The following BTN1A1 variants were observed in gnomAD, a reference collection of about 807,000 sequenced individuals.
BTN1A1 encodes bK14H9.2 (butyrophilin, subfamily 1, member A1).
In BTN1A1, 26 loss-of-function variants were observed where a neutral mutation model predicts 33.1. That is an observed-to-expected ratio of 0.79 (90% CI 0.58 to 1.09). BTN1A1 has a LOEUF of 1.09. Among genes scored for constraint, BTN1A1 ranks in the 50% least tolerant of loss-of-function variants. The probability of loss-of-function intolerance (pLI) is 0.00; values close to 1 mark genes in which losing one functional copy is unlikely to be tolerated. For synonymous variants in BTN1A1, 235 were observed against 256.2 expected, an observed-to-expected ratio of 0.92 and a Z score of 0.79; for missense variants, 558 against 655.7, an observed-to-expected ratio of 0.85 and a Z score of 1.63.
rs1763801919 is a variant in BTN1A1, at chr6:26,501,705, G to C, written c.195G>C (p.Trp65Cys). Residue 65 changes from tryptophan to cysteine, a missense_variant, in exon 3 of 8, where the codon TGG becomes TGC. Physicochemically the swap from Trp to Cys is radical, Grantham distance 215. Transcript: ENST00000684113. The surrounding 1 kb of genome is among the most constrained non-coding windows in gnomAD (Gnocchi z 5.2). ...NASAEHLELR[W>C]FRKKVSPAVL... ...GCGCCGAGCACTTGGAGCTACGCTG[G>C]TTCCGAAAGAAGGTTTCGCCGGCCG... 6.2e-7 allele frequency: 1 copy of C among 1,614,006 alleles called. No homozygotes were observed. Among genetic ancestry groups the C allele is most frequent in the Non-Finnish European group, 8.5e-7 (1 of 1,180,002 alleles).
In BTN1A1 at chr6:26,508,631, T is replaced by G; in HGVS notation, c.1038T>G (p.Cys346Trp). 1 of 1,614,110 alleles carries G rather than the reference T, an allele frequency of 6.2e-7. No homozygotes were observed. The highest frequency in any genetic ancestry group is 8.5e-7 in the Non-Finnish European group (1 of 1,180,016). The change falls in exon 8 of 8, where the codon TGT becomes TGG. Residue 346 changes from cysteine to tryptophan, a missense_variant. Coordinates refer to ENST00000684113, the MANE Select transcript of BTN1A1 (RefSeq NM_001732.3). The stretch of plus-strand genomic sequence containing the variant: ...CAGAGAGATTTGACTCCTGGCCCTG[T>G]GTGTTGGGCCGTGAGACCTTCACCT... ...EKTERFDSWPCVLGRETFTSG... is the reference protein window; with the variant it reads ...EKTERFDSWPWVLGRETFTSG...
Position 26,508,854 on chromosome 6 carries a change from C to T in BTN1A1, c.1261C>T (p.Arg421Trp), listed in dbSNP as rs754677050. ...TCTCCCATTGGCAGGGCCCCCACGC[C>T]GGGTTGGGATTTTCCTAGACTATGA... ...TPLPLAGPPR[R>W]VGIFLDYESG... The change falls in exon 8 of 8, where the codon CGG (arginine) becomes TGG (tryptophan). Residue 421 changes from arginine (R) to tryptophan (W), a missense_variant. Coordinates refer to ENST00000684113, the MANE Select transcript of BTN1A1 (RefSeq NM_001732.3). 10 of 1,614,074 alleles carry T rather than the reference C, an allele frequency of 6.2e-6. No homozygotes were observed. In the Admixed American group the frequency reaches 6.7e-5, roughly 11 times the overall value.
Position 26,508,806 on chromosome 6 carries a change from G to A in BTN1A1, c.1213G>A (p.Ala405Thr), listed in dbSNP as rs1763906149. The A allele has an allele frequency of 6.2e-7, 1 of 1,614,128 alleles. No homozygotes were observed. The highest frequency in any genetic ancestry group is 1.1e-5 in the South Asian group (1 of 91,088). Residue 405 changes from alanine to threonine, a missense_variant, in exon 8 of 8, where the codon GCC becomes ACC. Physicochemically the swap from Ala to Thr is moderately conservative, Grantham distance 58. Coordinates refer to ENST00000684113, the MANE Select transcript of BTN1A1 (RefSeq NM_001732.3). ...AGAGTTGTATGGAAATGGGTACTGG[G>A]CCCTCACTCCTCTCCGGACCCCTCT... ...AVELYGNGYW[A>T]LTPLRTPLPL...
Position 26,509,486 on chromosome 6 carries a change from C to T in BTN1A1, c.*312C>T. 1 of 273,120 alleles carries T rather than the reference C, an allele frequency of 3.7e-6. No homozygotes were observed. Among genetic ancestry groups the T allele is most frequent in the Non-Finnish European group, 6.9e-6 (1 of 145,484 alleles). The allele number at this position is 273,120 out of a possible 1,614,324, so 16.9% of individuals were successfully genotyped here. ...GACAGATTAGGGATCGAGATTGGGTCAGGTTAGCATGGGGTTGTGGTTGAA... is the reference window on the plus strand; with the variant it reads ...GACAGATTAGGGATCGAGATTGGGTTAGGTTAGCATGGGGTTGTGGTTGAA... On this transcript the variant is annotated 3_prime_UTR_variant, in exon 8 of 8. Transcript: ENST00000684113.
At chr6:26,506,934 T>G in intron 5 of BTN1A1, 102 bp downstream of exon 5, 1 of 1,426,276 alleles carries the variant, frequency 7.0e-7, no homozygotes, top group Non-Finnish European at 9.6e-7. Flanking sequence ...CAGGAAGATA[T>G]TTGAGGCTGG....
chr6:26,502,418 C>T (rs1763813157), intron 3 of BTN1A1, among the ~76,000 whole-genome samples: 1 of 152,128 alleles, frequency 6.6e-6, no homozygotes, highest in African/African-American at 2.4e-5. Context: ...GCTTATCTGC[C>T]TTATCTCTTT....
Position 26,508,850 on chromosome 6 carries a change from A to G in BTN1A1, c.1257A>G (p.Pro419=). ...CCCCTCTCCCATTGGCAGGGCCCCC[A>G]CGCCGGGTTGGGATTTTCCTAGACT... ...LRTPLPLAGP[P]RRVGIFLDYE... The change falls in exon 8 of 8, where the codon CCA becomes CCG. Residue 419 remains proline (P), a synonymous_variant. Transcript: ENST00000684113. 6.2e-7 allele frequency: 1 copy of G among 1,614,136 alleles called. No individual in the cohort carries two copies. Among genetic ancestry groups the G allele is most frequent in the East Asian group, 2.2e-5 (1 of 44,870 alleles).
rs1368651652 is a variant in BTN1A1, at chr6:26,509,501, T to C, written c.*327T>C. 4.4e-6 allele frequency: 1 copy of C among 225,772 alleles called. No homozygotes were observed. The highest frequency in any genetic ancestry group is 2.3e-5 in the African/African-American group (1 of 43,748). 14.0% of individuals were successfully genotyped at this position (225,772 alleles called of 1,614,324 possible). ...GAGATTGGGTCAGGTTAGCATGGGG[T>C]TGTGGTTGAAATATCTTGGTATCCA... On this transcript the variant is annotated 3_prime_UTR_variant, in exon 8 of 8. Transcript: ENST00000684113.
chr6:26,505,025 G>C lies in BTN1A1; in HGVS notation c.528G>C (p.Gln176His). The C allele has an allele frequency of 6.2e-7, 1 of 1,614,244 alleles. No individual in the cohort carries two copies. The highest frequency in any genetic ancestry group is 2.2e-5 in the East Asian group (1 of 44,880). The change falls in exon 4 of 8, where the codon CAG becomes CAC. Residue 176 changes from glutamine (Q) to histidine (H), a missense_variant. Transcript: ENST00000684113. Reference sequence around the variant, plus strand: ...GATGGTACCCAGAGCCCCAGGTGCAGTGGAGAACTTCCAAGGGAGAGAAGT... The same window carrying C: ...GATGGTACCCAGAGCCCCAGGTGCACTGGAGAACTTCCAAGGGAGAGAAGT... ...SVGWYPEPQV[Q>H]WRTSKGEKFP... is the part of the protein sequence containing the mutation.
chr6:26,506,939 G>C lies in BTN1A1; in HGVS notation c.859+107G>C, dbSNP rs9461260. On this transcript the variant is annotated intron_variant, in intron 5 of 7. Transcript: ENST00000684113. ...TTTAGGATGACAGGAAGATATTTGA[G>C]GCTGGGCATGGTGGCTCACGCCTGT... 35,179 of 1,383,758 alleles carry C rather than the reference G, an allele frequency of 0.025. 3,298 individuals carry two copies. The African/African-American group carries it at 0.29, about 11-fold the overall frequency. The allele number at this position is 1,383,758 out of a possible 1,614,324, so 85.7% of individuals were successfully genotyped here.
intron 4 of BTN1A1, among the ~76,000 whole-genome samples, chr6:26,505,871 C>T (rs1763862881): frequency 6.6e-6 from 1 of 151,856 alleles, no homozygotes; most frequent in Admixed American, 6.5e-5. Context: ...GTAATCCCAG[C>T]ACTTTGTGAG....
At position 26,501,386 on chromosome 6, in the gene BTN1A1, G is replaced by C; in HGVS notation, c.79+21G>C. 6.2e-7 allele frequency: 1 copy of C among 1,600,008 alleles called. No homozygotes were observed. The highest frequency in any genetic ancestry group is 8.6e-7 in the Non-Finnish European group (1 of 1,168,148). ...TTCAGGTAAGTCTCTCTCTCTCTCTGGGCTGCATAGTTGAAATATATCAAT... is the reference window on the plus strand; with the variant it reads ...TTCAGGTAAGTCTCTCTCTCTCTCTCGGCTGCATAGTTGAAATATATCAAT... On this transcript the variant is annotated intron_variant, in intron 2 of 7. Coordinates refer to ENST00000684113, the MANE Select transcript of BTN1A1 (RefSeq NM_001732.3). This position sits in a 1 kb window ranked among gnomAD's most constrained non-coding sequence, Gnocchi z 5.2.
chr6:26,504,384 A>T (rs2113891457), intron 3 of BTN1A1, among the ~76,000 whole-genome samples: 1 of 152,026 alleles, frequency 6.6e-6, no homozygotes, highest in African/African-American at 2.4e-5. Context: ...AAGTCTGCCC[A>T]CCAAACTGCT....
chr6:26,505,027 G>A lies in BTN1A1; in HGVS notation c.530G>A (p.Trp177Ter), dbSNP rs1763850818. Reference protein sequence around the residue: ...VGWYPEPQVQWRTSKGEKFPS... With the variant: ...VGWYPEPQVQ Reference sequence around the variant, plus strand: ...TGGTACCCAGAGCCCCAGGTGCAGTGGAGAACTTCCAAGGGAGAGAAGTTT... The same window carrying A: ...TGGTACCCAGAGCCCCAGGTGCAGTAGAGAACTTCCAAGGGAGAGAAGTTT... The change falls in exon 4 of 8, where the codon TGG (tryptophan) becomes TAG (stop). Residue 177 changes from tryptophan (W) to a stop codon, truncating the protein, a stop_gained. Transcript: ENST00000684113. LOFTEE classifies it high-confidence loss of function. 1.2e-6 allele frequency: 2 copies of A among 1,614,094 alleles called. No homozygotes were observed. Among genetic ancestry groups the A allele is most frequent in the African/African-American group, 2.7e-5 (2 of 74,926 alleles).
chr6:26,508,464 T>G (rs1763899984), intron 7 of BTN1A1, 37 bp from the exon 8 acceptor site: 3 of 1,570,504 alleles, frequency 1.9e-6, no homozygotes, highest in Non-Finnish European at 2.6e-6. Context: ...ACCTGTAATA[T>G]TCACTGATGT....
In BTN1A1 at chr6:26,509,224, T is replaced by C. The variant is rs1324110120; in HGVS notation, c.*50T>C. On this transcript the variant is annotated 3_prime_UTR_variant, in exon 8 of 8. Coordinates refer to ENST00000684113, the MANE Select transcript of BTN1A1 (RefSeq NM_001732.3). ...CCTTTCCTCTAACCCCTCTCCTCCA[T>C]AGCCTTCTGAGGCTTCACCTGCTAG... is the stretch of plus-strand genomic sequence containing the variant. The C allele has an allele frequency of 3.4e-6, 5 of 1,488,870 alleles. No individual in the cohort carries two copies. In the African/African-American group the frequency reaches 4.2e-5, roughly 12 times the overall value. 92.2% of individuals were successfully genotyped at this position (1,488,870 alleles called of 1,614,324 possible). A position where few individuals can be genotyped will look rare whatever the true frequency, so the allele number is the denominator to read the frequency against.
intron 5 of BTN1A1, among the ~76,000 whole-genome samples, chr6:26,507,183 T>C (rs1763881836): frequency 6.6e-6 from 1 of 152,098 alleles, no homozygotes; most frequent in Admixed American, 6.5e-5. Flanking sequence ...ATCGTGCCAT[T>C]GCACTCTAGC....
chr6:26,509,051 T>C lies in BTN1A1; in HGVS notation c.1458T>C (p.Ala486=), dbSNP rs1763910384. The change falls in exon 8 of 8, where the codon GCT becomes GCC. Residue 486 remains alanine (A), a synonymous_variant. Coordinates refer to ENST00000684113, the MANE Select transcript of BTN1A1 (RefSeq NM_001732.3). ...GGCCTGAGAGGGTCACAGTCATTGCTAATGCCCAGGACCTTTCTAAGGAGA... is the reference window on the plus strand; with the variant it reads ...GGCCTGAGAGGGTCACAGTCATTGCCAATGCCCAGGACCTTTCTAAGGAGA... ...ADGPERVTVI[A]NAQDLSKEIP... is the part of the protein sequence containing the mutation. 6.2e-7 allele frequency: 1 copy of C among 1,614,234 alleles called. No homozygotes were observed. Among genetic ancestry groups the C allele is most frequent in the Non-Finnish European group, 8.5e-7 (1 of 1,180,050 alleles).
At position 26,500,335 on chromosome 6, in the gene BTN1A1, G is replaced by T. The variant is rs13194984; in HGVS notation, c.-81G>T. Among the ~76,000 whole-genome samples, 11,777 of 152,130 alleles carry T rather than the reference G, an allele frequency of 0.077. 655 individuals carry two copies. Among genetic ancestry groups the T allele is most frequent in the Non-Finnish European group, 0.13 (8,696 of 67,990 alleles). ...TCACTTGGTAGCAGTGGCCTCTTGT[G>T]CCTTTTTCTCCAAGATCACCCAGGT... is the stretch of plus-strand genomic sequence containing the variant. On this transcript the variant is annotated 5_prime_UTR_variant, in exon 1 of 8. Transcript: ENST00000684113.
Sources: gnomAD v4.1 joint callset for allele counts (sites outside exome capture counted in the v4.1 genomes callset) on GRCh38, gnomAD v4.1.1 for gene constraint, Gnocchi (gnomAD v3.1) non-coding constraint, MANE v1.5 for transcripts, NCBI Gene and HGNC (gene_info 2026-07-23, HGNC 2026-07-21) for gene names.